Variants in COL26A1 observed in about 807,000 individuals in gnomAD.
COL26A1 encodes collagen type XXVI alpha 1 chain.
COL26A1 carries 41 observed loss-of-function variants against 59.3 expected under a neutral mutation model. The ratio of observed to expected loss-of-function variants is 0.69; its 90% CI spans 0.54 to 0.90. The LOEUF (loss-of-function observed/expected upper bound fraction) is 0.90, where lower values mean the gene tolerates loss of function less well. Ranked by LOEUF, COL26A1 falls within the 40% of genes least tolerant of loss-of-function variation. The pLI is 0.00. For missense variants in COL26A1, 612 were observed against 602.3 expected (o/e 1.02, Z -0.17); for synonymous variants, 266 against 256.0 (o/e 1.04, Z -0.37).
intron 1 of COL26A1, among the ~76,000 whole-genome samples, chr7:101,368,622 GTTGTTGC>G (rs1283111752): frequency 6.6e-6 from 1 of 151,896 alleles, no homozygotes; most frequent in African/African-American, 2.4e-5. Flanking sequence ...AGGTTGTTGG[GTTGTTGC>G]CATGGAAAGG....
At position 101,558,859 on chromosome 7, in the gene COL26A1, C is replaced by T. The variant is rs1321491832; in HGVS notation, c.*1329C>T. On this transcript the variant is annotated 3_prime_UTR_variant, in exon 13 of 13. Transcript: ENST00000313669. Reference sequence around the variant, plus strand: ...ACTGTCTCCAGTGCTCTTGGTACTCCTGTTTGGCTGTGGCCTGGTCCCTCT... The same window carrying T: ...ACTGTCTCCAGTGCTCTTGGTACTCTTGTTTGGCTGTGGCCTGGTCCCTCT... The T allele has an allele frequency of 6.6e-6, 1 of 152,302 alleles. No homozygotes were observed. The highest frequency in any genetic ancestry group is 1.5e-5 in the Non-Finnish European group (1 of 68,112). 9.4% of individuals were successfully genotyped at this position (152,302 alleles called of 1,614,324 possible). A position where few individuals can be genotyped will look rare whatever the true frequency, so the allele number is the denominator to read the frequency against.
At chr7:101,523,682 AGTGAT>A (rs1322258978) in intron 3 of COL26A1, among the ~76,000 whole-genome samples, 2 of 152,124 alleles carry the variant, frequency 1.3e-5, no homozygotes, top group Non-Finnish European at 2.9e-5. Context: ...TCATAAGCCA[AGTGAT>A]GTGTAAGTGT....
intron 3 of COL26A1, among the ~76,000 whole-genome samples, chr7:101,452,418 A>T (rs1202662919): frequency 1.3e-5 from 2 of 152,176 alleles, no homozygotes; most frequent in Non-Finnish European, 2.9e-5. Flanking sequence ...TCCACCCTCA[A>T]GGGCTTGGCA....
chr7:101,539,803 A>G, intron 4 of COL26A1, 90 bp from the exon 5 acceptor site: 1 of 1,324,310 alleles, frequency 7.6e-7, no homozygotes, highest in Non-Finnish European at 1.0e-6. Context: ...TGCAGGTCTC[A>G]TGGGGTGCAC....
intron 2 of COL26A1, among the ~76,000 whole-genome samples, chr7:101,445,527 C>T (rs1793166136): frequency 6.7e-6 from 1 of 148,812 alleles, no homozygotes; most frequent in Non-Finnish European, 1.5e-5. Context: ...GTCAGGAGAT[C>T]GAGACCATCC....
chr7:101,499,513 GTC>G (rs1377834265), intron 3 of COL26A1, among the ~76,000 whole-genome samples: 1 of 151,948 alleles, frequency 6.6e-6, no homozygotes, highest in Non-Finnish European at 1.5e-5. Flanking sequence ...GTGAAACCCC[GTC>G]TCTACTAAAA....
Position 101,473,351 on chromosome 7 carries a change from C to T in COL26A1, c.385+25564C>T, listed in dbSNP as rs928112172. On this transcript the variant is annotated intron_variant, in intron 3 of 12. Coordinates refer to ENST00000313669, the MANE Select transcript of COL26A1 (RefSeq NM_001278563.3). ...TCAGCCTCCCAAAATGCTGGGATTA[C>T]AGGCGTGAGCCACTGCGCCCGGCCT... Among the ~76,000 whole-genome samples, 6 of 152,244 alleles carry T rather than the reference C, an allele frequency of 3.9e-5. No individual in the cohort carries two copies. In the East Asian group the frequency reaches 7.7e-4, roughly 20 times the overall value.
At chr7:101,497,520 C>T (rs1046389709) in intron 3 of COL26A1, among the ~76,000 whole-genome samples, 2 of 150,830 alleles carry the variant, frequency 1.3e-5, no homozygotes, top group African/African-American at 4.9e-5. Context: ...ACAAAAAATA[C>T]AAAAAATTGG....
intron 11 of COL26A1, among the ~76,000 whole-genome samples, chr7:101,553,937 T>G (rs1318779416): frequency 4.6e-5 from 7 of 151,686 alleles, no homozygotes; most frequent in African/African-American, 1.5e-4. Context: ...TGTGGGGACC[T>G]GCGGCTTCTG....
At chr7:101,404,775 G>A (rs1480248274) in intron 1 of COL26A1, among the ~76,000 whole-genome samples, 2 of 152,088 alleles carry the variant, frequency 1.3e-5, no homozygotes, top group East Asian at 3.9e-4. Flanking sequence ...AATGATACGC[G>A]CCTGTGGTTC....
chr7:101,382,079 T>C (rs1380724788), intron 1 of COL26A1, among the ~76,000 whole-genome samples: 1 of 152,202 alleles, frequency 6.6e-6, no homozygotes, highest in Non-Finnish European at 1.5e-5. Context: ...GATAGGGTCT[T>C]GGCCTGTTTC....
intron 3 of COL26A1, among the ~76,000 whole-genome samples, chr7:101,475,874 T>C (rs145403354): frequency 1.5e-5 from 2 of 136,814 alleles, no homozygotes; most frequent in Admixed American, 7.4e-5. Flanking sequence ...CTCTCTTTCT[T>C]TCTCTTTCTC....
At chr7:101,383,135 A>ACTTATT (rs141241026) in intron 1 of COL26A1, among the ~76,000 whole-genome samples, 9,316 of 152,128 alleles carry the variant, frequency 0.061, 656 homozygotes, top group African/African-American at 0.16. Context: ...AGTTTTTTAG[A>ACTTATT]CTTAGGCATT....
chr7:101,510,211 A>G (rs538101731), intron 3 of COL26A1, among the ~76,000 whole-genome samples: 2 of 151,776 alleles, frequency 1.3e-5, no homozygotes, highest in Admixed American at 6.6e-5. Context: ...TTTTGTAGAG[A>G]TGTAGGGATC....
chr7:101,455,259 G>T (rs962178819), intron 3 of COL26A1, among the ~76,000 whole-genome samples: 1 of 151,808 alleles, frequency 6.6e-6, no homozygotes, highest in Admixed American at 6.6e-5. Flanking sequence ...GCCCAGGCTG[G>T]TCTCCAACTC....
chr7:101,545,532 G>A (rs548546521), intron 7 of COL26A1, 42 bp downstream of exon 7: 21 of 1,042,546 alleles, frequency 2.0e-5, no homozygotes, highest in South Asian at 2.8e-5. Context: ...GCTGAGCTAC[G>A]CTGTGTTCTG....
intron 1 of COL26A1, among the ~76,000 whole-genome samples, chr7:101,387,153 A>T (rs1791596119): frequency 6.6e-6 from 1 of 152,140 alleles, no homozygotes; most frequent in Non-Finnish European, 1.5e-5. Flanking sequence ...CCCCCACGGG[A>T]TGCAAGCTGA....
intron 3 of COL26A1, among the ~76,000 whole-genome samples, chr7:101,519,689 C>T (rs1795100201): frequency 6.6e-6 from 1 of 152,130 alleles, no homozygotes; most frequent in Non-Finnish European, 1.5e-5. Context: ...CCTCAGCCAC[C>T]CATAGATCAG....
chr7:101,363,171 A>G lies in COL26A1; in HGVS notation c.139A>G (p.Ser47Gly). The change falls in exon 1 of 13, where the codon AGC (serine) becomes GGC (glycine). Residue 47 changes from serine to glycine, a missense_variant. Ser to Gly is a moderately conservative substitution (Grantham distance 56). Coordinates refer to ENST00000313669, the MANE Select transcript of COL26A1 (RefSeq NM_001278563.3). ...YPEPGAGSPG[S>G]GYASRRHWCH... is the part of the protein sequence containing the mutation. The stretch of plus-strand genomic sequence containing the variant: ...CGAGCCCGGCGCCGGCTCCCCTGGC[A>G]GCGGCTACGCGAGCCGCCGGTGAGT... The G allele has an allele frequency of 6.5e-6, 9 of 1,379,216 alleles. No homozygotes were observed. The highest frequency in any genetic ancestry group is 4.5e-5 in the East Asian group (1 of 22,306). The allele number at this position is 1,379,216 out of a possible 1,614,324, so 85.4% of individuals were successfully genotyped here. A position where few individuals can be genotyped will look rare whatever the true frequency, so the allele number is the denominator to read the frequency against.
Sources: gnomAD v4.1 joint callset for allele counts (sites outside exome capture counted in the v4.1 genomes callset) on GRCh38, gnomAD v4.1.1 for gene constraint, MANE v1.5 for transcripts, NCBI Gene and HGNC (gene_info 2026-07-23, HGNC 2026-07-21) for gene names.